SPIDR: variants seen among roughly 807,000 people sequenced by gnomAD.
The protein encoded by SPIDR is DNA repair-scaffolding protein.
SPIDR carries 93 observed loss-of-function variants against 104.6 expected under a neutral mutation model. That is an observed-to-expected ratio of 0.89 (90% CI 0.75 to 1.06). SPIDR has a LOEUF of 1.06. SPIDR is among the 50% of genes least tolerant of loss of function. The pLI, the probability that SPIDR is intolerant of heterozygous loss-of-function variation, is 0.00. For synonymous variants in SPIDR, 431 were observed against 416.9 expected (o/e 1.03, Z -0.41); for missense variants, 1,154 against 1,111.2 (o/e 1.04, Z -0.55).
At chr8:47,612,484 AT>A (rs1274087925) in intron 10 of SPIDR, among the ~76,000 whole-genome samples, 1 of 152,246 alleles carries the variant, frequency 6.6e-6, no homozygotes, top group Non-Finnish European at 1.5e-5. Flanking sequence ...ATTTCCTGAA[AT>A]GATATATGTT....
At position 47,440,684 on chromosome 8, in the gene SPIDR, G is replaced by A. The variant is rs533447236; in HGVS notation, c.1097+142G>A. The A allele has an allele frequency of 5.2e-4, 395 of 758,976 alleles. 4 individuals carry two copies. The highest frequency in any genetic ancestry group is 3.9e-3 in the South Asian group (206 of 53,346). The allele number at this position is 758,976 out of a possible 1,614,324, so 47.0% of individuals were successfully genotyped here. A position where few individuals can be genotyped will look rare whatever the true frequency, so the allele number is the denominator to read the frequency against. ...AGCCAGGATTGGACGTGGGTTTTCT[G>A]TCAGAGAAGCACTGGATTGTCTCTG... On this transcript the variant is annotated intron_variant, in intron 8 of 19. Transcript: ENST00000297423.
At chr8:47,300,808 A>G (rs1330151106) in intron 5 of SPIDR, among the ~76,000 whole-genome samples, 3 of 152,220 alleles carry the variant, frequency 2.0e-5, no homozygotes, top group Non-Finnish European at 4.4e-5. Context: ...CTGTGGTCTG[A>G]GAGACAGTTT....
chr8:47,687,754 T>G (rs1403046106), intron 11 of SPIDR, among the ~76,000 whole-genome samples: 1 of 152,172 alleles, frequency 6.6e-6, no homozygotes, highest in African/African-American at 2.4e-5. Flanking sequence ...TTATACTACT[T>G]TTTGTACATC....
intron 10 of SPIDR, among the ~76,000 whole-genome samples, chr8:47,639,073 T>C (rs181057482): frequency 6.6e-6 from 1 of 152,348 alleles, no homozygotes; most frequent in Admixed American, 6.5e-5. Flanking sequence ...TAACTACCAA[T>C]TGTCAAATAG....
intron 5 of SPIDR, among the ~76,000 whole-genome samples, chr8:47,362,419 A>G (rs2056204430): frequency 6.6e-6 from 1 of 152,132 alleles, no homozygotes; most frequent in African/African-American, 2.4e-5. Context: ...CTCCCCTGGT[A>G]TGAAGGGCCC....
At chr8:47,335,335 G>A (rs1328765410) in intron 5 of SPIDR, among the ~76,000 whole-genome samples, 1 of 152,136 alleles carries the variant, frequency 6.6e-6, no homozygotes, top group East Asian at 1.9e-4. Context: ...TTGTTCATCT[G>A]ACAAGATATT....
chr8:47,420,573 G>T (rs1554679434), intron 7 of SPIDR, among the ~76,000 whole-genome samples: 1 of 152,106 alleles, frequency 6.6e-6, no homozygotes, highest in Non-Finnish European at 1.5e-5. Context: ...TATCCAATTT[G>T]CCAGTCTGTG....
intron 8 of SPIDR, among the ~76,000 whole-genome samples, chr8:47,565,338 G>A (rs900335646): frequency 2.6e-5 from 4 of 152,134 alleles, no homozygotes; most frequent in African/African-American, 4.8e-5. Flanking sequence ...GTAAAGAGAA[G>A]CAACATTGAG....
chr8:47,306,262 C>T (rs2043077685), intron 5 of SPIDR, among the ~76,000 whole-genome samples: 1 of 152,216 alleles, frequency 6.6e-6, no homozygotes, highest in East Asian at 1.9e-4. Flanking sequence ...GTGCCTTGGC[C>T]TCCTAGTATC....
intron 8 of SPIDR, among the ~76,000 whole-genome samples, chr8:47,443,294 G>C (rs1398370859): frequency 2.0e-5 from 3 of 152,082 alleles, no homozygotes; most frequent in African/African-American, 7.2e-5. Context: ...AAGAGGCCGG[G>C]CGCATTAGTT....
chr8:47,631,003 C>T (rs1315018422), intron 10 of SPIDR, among the ~76,000 whole-genome samples: 1 of 152,162 alleles, frequency 6.6e-6, no homozygotes, highest in Non-Finnish European at 1.5e-5. Flanking sequence ...CAACAGCCCC[C>T]AGCACCCTGA....
intron 10 of SPIDR, among the ~76,000 whole-genome samples, chr8:47,624,387 A>T (rs558846343): frequency 6.6e-6 from 1 of 152,234 alleles, no homozygotes; most frequent in South Asian, 2.1e-4. Flanking sequence ...AACTAAGATC[A>T]GAGCAGAACT....
chr8:47,703,001 T>C lies in SPIDR; in HGVS notation c.1977+986T>C, dbSNP rs369466293. On this transcript the variant is annotated intron_variant, in intron 14 of 19. Transcript: ENST00000297423. ...CAGTGCACCACGAGTCGGGGGACAGTGGTGGGGGTGGCACCAGGGGCTGTC... is the reference window on the plus strand; with the variant it reads ...CAGTGCACCACGAGTCGGGGGACAGCGGTGGGGGTGGCACCAGGGGCTGTC... Among the ~76,000 whole-genome samples, 337 of 152,302 alleles carry C rather than the reference T, an allele frequency of 2.2e-3. 3 individuals are homozygous for C. Among genetic ancestry groups the C allele is most frequent in the South Asian group, 0.021 (99 of 4,826 alleles).
chr8:47,295,255 ATCTG>A (rs1383744275), intron 5 of SPIDR, among the ~76,000 whole-genome samples: 1 of 152,034 alleles, frequency 6.6e-6, no homozygotes, highest in Non-Finnish European at 1.5e-5. Flanking sequence ...GTTTTGGTAA[ATCTG>A]TCTGTGTCAT....
chr8:47,655,507 G>A (rs2072590484), intron 10 of SPIDR, among the ~76,000 whole-genome samples: 1 of 152,098 alleles, frequency 6.6e-6, no homozygotes, highest in Non-Finnish European at 1.5e-5. Context: ...GTGTCTTTTG[G>A]CTGCATAAAT....
At chr8:47,313,054 T>G (rs1554586705) in intron 5 of SPIDR, among the ~76,000 whole-genome samples, 1 of 152,182 alleles carries the variant, frequency 6.6e-6, no homozygotes, top group Non-Finnish European at 1.5e-5. Flanking sequence ...TTGGAAGTTC[T>G]GGCCAGGGCA....
intron 8 of SPIDR, among the ~76,000 whole-genome samples, chr8:47,557,990 A>G (rs929138138): frequency 1.3e-5 from 2 of 152,192 alleles, no homozygotes; most frequent in African/African-American, 4.8e-5. Context: ...AATGAAATCG[A>G]TGGCCTTTGC....
intron 10 of SPIDR, among the ~76,000 whole-genome samples, chr8:47,650,732 A>C (rs147720418): frequency 1.8e-3 from 278 of 152,344 alleles, no homozygotes; most frequent in African/African-American, 6.5e-3. Context: ...TTACCAAAAC[A>C]GCGTGGTGCT....
chr8:47,492,181 A>G (rs2078827507), intron 8 of SPIDR, among the ~76,000 whole-genome samples: 1 of 152,172 alleles, frequency 6.6e-6, no homozygotes, highest in Non-Finnish European at 1.5e-5. Flanking sequence ...GCTGTTCTCT[A>G]GTAGCAAACT....
Sources: allele counts gnomAD v4.1 joint callset (sites outside exome capture counted in the v4.1 genomes callset), GRCh38; gene constraint gnomAD v4.1.1; transcripts MANE v1.5; gene names NCBI Gene and HGNC (gene_info 2026-07-23, HGNC 2026-07-21).